The following HMCN1 variants were observed in gnomAD, a reference collection of about 807,000 sequenced individuals.
HMCN1 encodes the protein hemicentin 1, also known as hemicentin-1.
HMCN1 carries 321 observed loss-of-function variants against 625.9 expected under a neutral mutation model. The observed-to-expected ratio is 0.51, with a 90% confidence interval of 0.47 to 0.56. The LOEUF (loss-of-function observed/expected upper bound fraction) is 0.56. HMCN1 is among the 20% of genes least tolerant of loss of function. The pLI is 0.00. For synonymous variants in HMCN1, 2,425 were observed against 2,417.6 expected (o/e 1.00, Z -0.09); for missense variants, 6,588 against 6,887.3 (o/e 0.96, Z 1.54).
At chr1:185,944,296 T>C (rs758983503) in intron 11 of HMCN1, among the ~76,000 whole-genome samples, 1 of 152,106 alleles carries the variant, frequency 6.6e-6, no homozygotes, top group Non-Finnish European at 1.5e-5. Flanking sequence ...AAGGATAAGA[T>C]TGACTTTGAA....
In HMCN1 at chr1:186,081,403, A is replaced by G. The variant is rs1659162036; in HGVS notation, c.8787+9A>G. The G allele has an allele frequency of 1.3e-6, 2 of 1,594,694 alleles. No homozygotes were observed. The highest frequency in any genetic ancestry group is 1.7e-5 in the Admixed American group (1 of 59,902). On this transcript the variant is annotated intron_variant, in intron 56 of 106. Transcript: ENST00000271588. Reference sequence around the variant, plus strand: ...ATGGACGAATTCTGCAGGTAAAAGTAAAGAAAGATCTAATTTTAAAAGAGC... The same window carrying G: ...ATGGACGAATTCTGCAGGTAAAAGTGAAGAAAGATCTAATTTTAAAAGAGC...
At position 185,831,261 on chromosome 1, in the gene HMCN1, A is replaced by T. The variant is rs535108737; in HGVS notation, c.269-14765A>T. 9.2e-5 allele frequency among the ~76,000 whole-genome samples: 14 copies of T among 152,290 alleles called. No individual in the cohort carries two copies. The South Asian group carries it at 2.7e-3, about 29-fold the overall frequency. On this transcript the variant is annotated intron_variant, in intron 1 of 106. Transcript: ENST00000271588. ...GATGATAGGTCAATCAAAGGAAATTATTAACATATCTAAGGGAAGAACACA... is the reference window on the plus strand; with the variant it reads ...GATGATAGGTCAATCAAAGGAAATTTTTAACATATCTAAGGGAAGAACACA...
Position 186,017,007 on chromosome 1 carries a change from G to C in HMCN1, c.5236G>C (p.Val1746Leu). The C allele has an allele frequency of 6.2e-7, 1 of 1,609,944 alleles. No individual in the cohort carries two copies. Among genetic ancestry groups the C allele is most frequent in the Non-Finnish European group, 8.5e-7 (1 of 1,176,550 alleles). The change falls in exon 33 of 107, where the codon GTG (valine) becomes CTG (leucine). Residue 1746 changes from valine to leucine, a missense_variant. Coordinates refer to ENST00000271588, the MANE Select transcript of HMCN1 (RefSeq NM_031935.3). ...EGGDETSYFI[V>L]MVNNLLELDC... ...AGGAGATGAAACATCTTACTTCATT[G>C]TGATGGTTAATAACTTACTGGAGCT...
intron 36 of HMCN1, among the ~76,000 whole-genome samples, chr1:186,032,789 A>G (rs1655550148): frequency 6.6e-6 from 1 of 152,056 alleles, no homozygotes; most frequent in African/African-American, 2.4e-5. Context: ...GATGTGCTGA[A>G]AGGGAACACT....
At chr1:185,784,949 T>G (rs1171677158) in intron 1 of HMCN1, among the ~76,000 whole-genome samples, 1 of 152,224 alleles carries the variant, frequency 6.6e-6, no homozygotes, top group Non-Finnish European at 1.5e-5. Flanking sequence ...ATAAGTGGAA[T>G]CATAGAGTAT....
rs564651440 is a variant in HMCN1, at chr1:185,871,274, T to C, written c.621+5411T>C. Among the ~76,000 whole-genome samples, 22 of 146,190 alleles carry C rather than the reference T, an allele frequency of 1.5e-4. No homozygotes were observed. The South Asian group carries it at 4.9e-3, about 32-fold the overall frequency. On this transcript the variant is annotated intron_variant, in intron 4 of 106. Transcript: ENST00000271588. The stretch of plus-strand genomic sequence containing the variant: ...CAGCATCCCAGGGTGCAAAGCCAGA[T>C]GGAAATGATTATTAGAAAATGAAGC...
chr1:186,178,459 G>A lies in HMCN1; in HGVS notation c.15987G>A (p.Gln5329=). ...AAGTGCCTAAACCTTGTGCACATCA[G>A]TGCTCCAACACCCCCGGCAGCTTCA... ...CEQVPKPCAH[Q]CSNTPGSFKC... is the part of the protein sequence containing the mutation. The change falls in exon 104 of 107, where the codon CAG becomes CAA. Residue 5329 remains glutamine (Q), a synonymous_variant. Transcript: ENST00000271588. 6.2e-7 allele frequency: 1 copy of A among 1,614,066 alleles called. No homozygotes were observed. Among genetic ancestry groups the A allele is most frequent in the Non-Finnish European group, 8.5e-7 (1 of 1,179,986 alleles).
chr1:186,094,047 C>A (rs1169663490), intron 66 of HMCN1, among the ~76,000 whole-genome samples: 1 of 152,018 alleles, frequency 6.6e-6, no homozygotes, highest in Non-Finnish European at 1.5e-5. Flanking sequence ...AAAATATTCA[C>A]CTCTTAAATT....
chr1:185,792,398 A>G (rs1186140893), intron 1 of HMCN1, among the ~76,000 whole-genome samples: 2 of 152,166 alleles, frequency 1.3e-5, no homozygotes, highest in African/African-American at 2.4e-5. Context: ...GCTTATTCCT[A>G]TTATCTTTTT....
chr1:185,945,872 T>C (rs142388045), intron 11 of HMCN1, among the ~76,000 whole-genome samples: 1 of 152,312 alleles, frequency 6.6e-6, no homozygotes, highest in Non-Finnish European at 1.5e-5. Context: ...TCTTTTGATA[T>C]AGAATTGGAG....
chr1:186,027,829 C>T (rs1655159487), intron 36 of HMCN1, among the ~76,000 whole-genome samples: 1 of 152,100 alleles, frequency 6.6e-6, no homozygotes, highest in Admixed American at 6.5e-5. Flanking sequence ...GTAGAGCACC[C>T]CTTATTTTTT....
chr1:185,957,097 C>A (rs538381066), intron 11 of HMCN1: 2 of 152,134 alleles, frequency 1.3e-5, no homozygotes, highest in Non-Finnish European at 2.9e-5. Flanking sequence ...ATGTTAACTT[C>A]AATGGGTTAT....
intron 19 of HMCN1, among the ~76,000 whole-genome samples, chr1:185,984,626 T>C (rs1291043022): frequency 6.6e-6 from 1 of 152,180 alleles, no homozygotes; most frequent in African/African-American, 2.4e-5. Context: ...TCAGACAAGC[T>C]GAACTCATTA....
At chr1:185,825,177 G>C (rs1474772634) in intron 1 of HMCN1, among the ~76,000 whole-genome samples, 4 of 152,112 alleles carry the variant, frequency 2.6e-5, no homozygotes, top group African/African-American at 9.7e-5. Flanking sequence ...GAAACGCTGA[G>C]GAGGGGTACT....
At chr1:186,131,755 C>T (rs1422523991) in intron 85 of HMCN1, among the ~76,000 whole-genome samples, 4 of 152,004 alleles carry the variant, frequency 2.6e-5, no homozygotes, top group Admixed American at 6.6e-5. Context: ...TTAGTGCAGT[C>T]CTACATAAAT....
intron 40 of HMCN1, among the ~76,000 whole-genome samples, chr1:186,044,220 A>G (rs1656400324): frequency 6.6e-6 from 1 of 152,176 alleles, no homozygotes. Flanking sequence ...TCTGTTTCTC[A>G]CAGATTACTT....
chr1:186,109,272 A>G (rs1223294233), intron 71 of HMCN1, among the ~76,000 whole-genome samples: 2 of 152,182 alleles, frequency 1.3e-5, no homozygotes, highest in Non-Finnish European at 2.9e-5. Flanking sequence ...TATAAAAAGG[A>G]GATTATGTCC....
chr1:186,186,567 T>C (rs1653324382), intron 105 of HMCN1, among the ~76,000 whole-genome samples: 1 of 152,178 alleles, frequency 6.6e-6, no homozygotes, highest in Non-Finnish European at 1.5e-5. Context: ...CATCGGTTTG[T>C]GGCCATGATA....
chr1:185,922,135 T>G (rs1019240991), intron 6 of HMCN1, among the ~76,000 whole-genome samples: 3 of 152,142 alleles, frequency 2.0e-5, no homozygotes, highest in African/African-American at 7.2e-5. Flanking sequence ...CCCTTACATC[T>G]TTTATCATTA....
Sources: gnomAD v4.1 joint callset for allele counts (sites outside exome capture counted in the v4.1 genomes callset) on GRCh38, gnomAD v4.1.1 for gene constraint, MANE v1.5 for transcripts, NCBI Gene and HGNC (gene_info 2026-07-23, HGNC 2026-07-21) for gene names.